PMS1: variants seen among roughly 807,000 people sequenced by gnomAD.
PMS1 encodes PMS1 protein homolog 1.
In PMS1, 79 loss-of-function variants were observed where a neutral mutation model predicts 93.1. The ratio of observed to expected loss-of-function variants is 0.85; its 90% CI spans 0.71 to 1.02. The LOEUF (loss-of-function observed/expected upper bound fraction) is 1.02. PMS1 is among the 50% of genes least tolerant of loss of function. PMS1 has a pLI of 0.00. For synonymous variants in PMS1, 335 were observed against 363.4 expected, an observed-to-expected ratio of 0.92 and a Z score of 0.89; for missense variants, 1,064 against 1,085.3, an observed-to-expected ratio of 0.98 and a Z score of 0.28.
chr2:189,816,243 A>G (rs2051287924), intron 4 of PMS1, among the ~76,000 whole-genome samples: 2 of 152,182 alleles, frequency 1.3e-5, no homozygotes, highest in African/African-American at 4.8e-5. Flanking sequence ...TTTATCTTCC[A>G]TTATTTTCAT....
intron 5 of PMS1, among the ~76,000 whole-genome samples, chr2:189,836,400 CAT>C (rs879787835): frequency 2.6e-5 from 4 of 152,176 alleles, no homozygotes; most frequent in Non-Finnish European, 5.9e-5. Context: ...AGATAGAAAA[CAT>C]ATGGAGGTTT....
chr2:189,854,105 T>C (rs1234420643), intron 8 of PMS1, 23 bp downstream of exon 8: 29 of 1,529,328 alleles, frequency 1.9e-5, no homozygotes, highest in Non-Finnish European at 2.5e-5. Flanking sequence ...AGATAATTTT[T>C]TCTTATGCTA....
intron 6 of PMS1, among the ~76,000 whole-genome samples, chr2:189,849,867 C>CTTT (rs751444288): frequency 0.11 from 13,552 of 118,680 alleles, 1,278 homozygotes; most frequent in African/African-American, 0.25. Flanking sequence ...TATTTTTAAA[C>CTTT]TTTTTTTTTT....
At chr2:189,823,493 G>A (rs182738399) in intron 5 of PMS1, among the ~76,000 whole-genome samples, 121 of 150,478 alleles carry the variant, frequency 8.0e-4, no homozygotes, top group African/African-American at 2.8e-3. Flanking sequence ...TTCATTGTTC[G>A]ATTAAGGGGA....
intron 12 of PMS1, among the ~76,000 whole-genome samples, chr2:189,874,301 T>C (rs1452246710): frequency 6.6e-6 from 1 of 152,184 alleles, no homozygotes; most frequent in Admixed American, 6.5e-5. Flanking sequence ...ATGCTACCTT[T>C]ATATTACATA....
chr2:189,798,116 G>T (rs2049524915), intron 3 of PMS1, among the ~76,000 whole-genome samples: 1 of 152,152 alleles, frequency 6.6e-6, no homozygotes, highest in African/African-American at 2.4e-5. Context: ...TATCCTCATC[G>T]TCACATGGCT....
intron 6 of PMS1, among the ~76,000 whole-genome samples, chr2:189,849,522 A>G (rs1215166521): frequency 6.6e-6 from 1 of 151,994 alleles, no homozygotes; most frequent in Non-Finnish European, 1.5e-5. Flanking sequence ...ATATTGCTCT[A>G]TCATTTCTGC....
At chr2:189,857,893 G>T (rs2055520817) in intron 9 of PMS1, among the ~76,000 whole-genome samples, 1 of 152,094 alleles carries the variant, frequency 6.6e-6, no homozygotes, top group Non-Finnish European at 1.5e-5. Context: ...GGATTTTAGG[G>T]AATTGTGTAG....
chr2:189,873,075 A>C (rs372647168), intron 11 of PMS1, among the ~76,000 whole-genome samples: 2 of 152,216 alleles, frequency 1.3e-5, no homozygotes, highest in Admixed American at 1.3e-4. Context: ...GACTGCTTTT[A>C]TAATTCGTAA....
chr2:189,785,781 C>A (rs553117359), intron 1 of PMS1, among the ~76,000 whole-genome samples: 1 of 152,236 alleles, frequency 6.6e-6, no homozygotes, highest in South Asian at 2.1e-4. Flanking sequence ...TAGAAGTCAG[C>A]TGAGAGAGAA....
intron 12 of PMS1, among the ~76,000 whole-genome samples, chr2:189,876,882 AT>A (rs2057620223): frequency 6.7e-6 from 1 of 149,180 alleles, no homozygotes; most frequent in Non-Finnish European, 1.5e-5. Context: ...AAGTGTTGAG[AT>A]TACAGGCCTG....
intron 5 of PMS1, among the ~76,000 whole-genome samples, chr2:189,821,734 A>G (rs2051906307): frequency 1.3e-5 from 2 of 148,704 alleles, no homozygotes; most frequent in African/African-American, 5.0e-5. Context: ...TCTTGAACCT[A>G]GGAGGCAGAG....
chr2:189,808,645 T>C (rs1245262763), intron 4 of PMS1, among the ~76,000 whole-genome samples: 1 of 152,186 alleles, frequency 6.6e-6, no homozygotes, highest in Non-Finnish European at 1.5e-5. Context: ...AGACATATTT[T>C]ACAATGTTTA....
rs2056803885 is a variant in PMS1, at chr2:189,867,931, TATGATAGTGTGG to T, written c.2473+3_2473+14del. 1.2e-6 allele frequency: 2 copies of T among 1,607,522 alleles called. No individual in the cohort carries two copies. Among genetic ancestry groups the T allele is most frequent in the African/African-American group, 1.3e-5 (1 of 74,834 alleles). On this transcript the variant is annotated splice_donor_5th_base_variant and intron_variant, in intron 11 of 12. Transcript: ENST00000441310. ...GTTTCAAGATAAAATTGATACCAGG[TATGATAGTGTGG>T]TTTAATATTTTCTGATGTGGAAAAA...
chr2:189,844,423 G>A (rs2054073331), intron 6 of PMS1, among the ~76,000 whole-genome samples: 1 of 152,038 alleles, frequency 6.6e-6, no homozygotes, highest in South Asian at 2.1e-4. Flanking sequence ...GCAGGCAGAT[G>A]ACGTGAGGTC....
In PMS1 at chr2:189,835,530, T is replaced by G. The variant is rs540856588; in HGVS notation, c.583-8434T>G. On this transcript the variant is annotated intron_variant, in intron 5 of 12. Transcript: ENST00000441310. The stretch of plus-strand genomic sequence containing the variant: ...ATATTGTGTTTGTGCCTCTGTACTT[T>G]TTGGAGTCAGAGTCAGTGCAAGTAC... Among the ~76,000 whole-genome samples, 51 of 152,320 alleles carry G rather than the reference T, an allele frequency of 3.3e-4. No homozygotes were observed. The South Asian group carries it at 9.7e-3, about 29-fold the overall frequency.
At chr2:189,867,242 C>T (rs2056746052) in intron 10 of PMS1, among the ~76,000 whole-genome samples, 2 of 152,194 alleles carry the variant, frequency 1.3e-5, no homozygotes, top group South Asian at 4.1e-4. Flanking sequence ...GATTTGTACC[C>T]TAGGTGATCT....
At chr2:189,799,692 G>A (rs2106250527) in intron 3 of PMS1, among the ~76,000 whole-genome samples, 1 of 152,342 alleles carries the variant, frequency 6.6e-6, no homozygotes. Flanking sequence ...GGACTGAGCA[G>A]TCAGCCCCCA....
chr2:189,826,440 G>C (rs1046317297), intron 5 of PMS1, among the ~76,000 whole-genome samples: 1 of 148,556 alleles, frequency 6.7e-6, no homozygotes, highest in Non-Finnish European at 1.5e-5. Flanking sequence ...AATATGGTTT[G>C]GTTTGGGGTC....
Sources: allele counts gnomAD v4.1 joint callset (sites outside exome capture counted in the v4.1 genomes callset), GRCh38; gene constraint gnomAD v4.1.1; transcripts MANE v1.5; gene names NCBI Gene and HGNC (gene_info 2026-07-23, HGNC 2026-07-21).